RBFOX1: variants seen among roughly 807,000 people sequenced by gnomAD.
RBFOX1 encodes the protein RNA binding protein fox-1 homolog 1.
In RBFOX1, 8 loss-of-function variants were observed where a neutral mutation model predicts 57.7. The observed-to-expected ratio is 0.14, with a 90% CI of 0.08 to 0.25. The LOEUF (loss-of-function observed/expected upper bound fraction) is 0.25, where lower values mean the gene tolerates loss of function less well. Among genes scored for constraint, RBFOX1 ranks in the 10% least tolerant of loss-of-function variants. The probability of loss-of-function intolerance (pLI) is 1.00; values close to 1 mark genes in which losing one functional copy is unlikely to be tolerated. For synonymous variants in RBFOX1, 326 were observed against 222.4 expected (o/e 1.47, Z -4.15); for missense variants, 611 against 548.5 (o/e 1.11, Z -1.14).
At chr16:6,012,374 A>T (rs1390282210) in intron 4 of RBFOX1, among the ~76,000 whole-genome samples, 2 of 152,186 alleles carry the variant, frequency 1.3e-5, no homozygotes, top group Non-Finnish European at 2.9e-5. Context: ...CACTATCGCC[A>T]TGTTGGTGAG....
chr16:7,394,369 A>T (rs905283271), intron 4 of RBFOX1, among the ~76,000 whole-genome samples: 4 of 151,452 alleles, frequency 2.6e-5, no homozygotes, highest in African/African-American at 4.9e-5. Flanking sequence ...AGTAGTTCCA[A>T]TTTTACCCAG....
chr16:5,847,842 T>C (rs1265069239), intron 3 of RBFOX1, among the ~76,000 whole-genome samples: 1 of 152,118 alleles, frequency 6.6e-6, no homozygotes, highest in East Asian at 1.9e-4. Flanking sequence ...CCATGCTCTG[T>C]TCAGAATCAA....
At chr16:6,729,108 T>C (rs1451229143) in intron 3 of RBFOX1, among the ~76,000 whole-genome samples, 1 of 152,170 alleles carries the variant, frequency 6.6e-6, no homozygotes, top group Non-Finnish European at 1.5e-5. Flanking sequence ...GAAATGGAGA[T>C]ACTAAACTAA....
chr16:7,065,512 A>C (rs111768772), intron 4 of RBFOX1, among the ~76,000 whole-genome samples: 1 of 138,256 alleles, frequency 7.2e-6, no homozygotes, highest in African/African-American at 2.6e-5. Context: ...ACCCTTTTTA[A>C]TACCATTTTT....
chr16:7,332,066 TA>T (rs1412089126), intron 4 of RBFOX1, among the ~76,000 whole-genome samples: 2 of 152,146 alleles, frequency 1.3e-5, no homozygotes, highest in East Asian at 1.9e-4. Context: ...AGAATGTCGT[TA>T]AAAACACAAA....
intron 1 of RBFOX1, among the ~76,000 whole-genome samples, chr16:5,368,077 C>G (rs2065769334): frequency 6.6e-6 from 1 of 152,190 alleles, no homozygotes; most frequent in Admixed American, 6.5e-5. Flanking sequence ...TAACCAGTCA[C>G]AAATCAGTTC....
At chr16:5,476,285 A>G (rs1281525212) in intron 2 of RBFOX1, among the ~76,000 whole-genome samples, 4 of 152,194 alleles carry the variant, frequency 2.6e-5, no homozygotes, top group African/African-American at 4.8e-5. Context: ...TTACTTGTCA[A>G]TTAAAAAAAT....
chr16:5,948,869 C>G (rs2059459016), intron 4 of RBFOX1, among the ~76,000 whole-genome samples: 1 of 152,212 alleles, frequency 6.6e-6, no homozygotes, highest in African/African-American at 2.4e-5. Context: ...ATCACAAGGA[C>G]AGGGGCACTG....
At chr16:7,065,031 G>A (rs149271254) in intron 4 of RBFOX1, among the ~76,000 whole-genome samples, 25 of 152,268 alleles carry the variant, frequency 1.6e-4, no homozygotes, top group African/African-American at 5.3e-4. Context: ...TCTATTGTTC[G>A]ATATGGATGG....
At chr16:5,497,480 G>A (rs916754798) in intron 2 of RBFOX1, among the ~76,000 whole-genome samples, 1 of 152,028 alleles carries the variant, frequency 6.6e-6, no homozygotes, top group Non-Finnish European at 1.5e-5. Context: ...CCAAGAGAAA[G>A]CTTACAGCTT....
At chr16:6,823,067 A>C (rs375243824) in intron 3 of RBFOX1, among the ~76,000 whole-genome samples, 9 of 152,124 alleles carry the variant, frequency 5.9e-5, no homozygotes, top group African/African-American at 2.2e-4. Flanking sequence ...GTTGAATACA[A>C]TTATTTCCAT....
chr16:5,243,504 G>A (rs1250117007), intron 1 of RBFOX1, among the ~76,000 whole-genome samples: 1 of 152,194 alleles, frequency 6.6e-6, no homozygotes, highest in South Asian at 2.1e-4. Context: ...CGTGGTGCTG[G>A]TGGGGGCCGT....
intron 3 of RBFOX1, among the ~76,000 whole-genome samples, chr16:6,660,322 G>T (rs1219871255): frequency 6.6e-6 from 1 of 151,972 alleles, no homozygotes; most frequent in African/African-American, 2.4e-5. Context: ...GGATTGATAG[G>T]TGCAGCCAAC....
At chr16:7,371,169 C>T (rs1441737755) in intron 4 of RBFOX1, among the ~76,000 whole-genome samples, 2 of 152,182 alleles carry the variant, frequency 1.3e-5, no homozygotes, top group African/African-American at 2.4e-5. Flanking sequence ...CCCAAACTGG[C>T]CCCATCACTT....
At chr16:6,982,011 G>C (rs1031063890) in intron 3 of RBFOX1, among the ~76,000 whole-genome samples, 2 of 152,092 alleles carry the variant, frequency 1.3e-5, no homozygotes, top group Non-Finnish European at 2.9e-5. Flanking sequence ...CAATTTCTTT[G>C]AACCCTCGTG....
At chr16:5,909,895 A>T (rs773093530) in intron 4 of RBFOX1, among the ~76,000 whole-genome samples, 1 of 152,036 alleles carries the variant, frequency 6.6e-6, no homozygotes, top group Non-Finnish European at 1.5e-5. Flanking sequence ...TCCACTAAAA[A>T]TACAAAAATT....
chr16:7,513,735 T>A (rs1296596275), intron 4 of RBFOX1, among the ~76,000 whole-genome samples: 1 of 152,192 alleles, frequency 6.6e-6, no homozygotes, highest in Non-Finnish European at 1.5e-5. Flanking sequence ...TATTAGGTTT[T>A]CTTCTGAGGA....
intron 4 of RBFOX1, among the ~76,000 whole-genome samples, chr16:5,914,767 C>A (rs138358970): frequency 6.6e-6 from 1 of 152,006 alleles, no homozygotes; most frequent in South Asian, 2.1e-4. Flanking sequence ...TGGTGGCAGG[C>A]GCCTGTAGTC....
chr16:5,803,193 C>A (rs568171010), intron 3 of RBFOX1, among the ~76,000 whole-genome samples: 1 of 152,154 alleles, frequency 6.6e-6, no homozygotes. Flanking sequence ...ACCTCATAGC[C>A]CTTTGTTTTC....
Sources: gnomAD v4.1 joint callset for allele counts (sites outside exome capture counted in the v4.1 genomes callset) on GRCh38, gnomAD v4.1.1 for gene constraint, MANE v1.5 for transcripts, NCBI Gene and HGNC (gene_info 2026-07-23, HGNC 2026-07-21) for gene names.